TENM2: variants seen among roughly 807,000 people sequenced by gnomAD.
TENM2 encodes the protein teneurin transmembrane protein 2, also known as teneurin-2.
Under a neutral mutation model 245.2 loss-of-function variants are expected in TENM2, and 52 were observed. The observed-to-expected ratio is 0.21, with a 90% CI of 0.17 to 0.27. The LOEUF is 0.27. Among genes scored for constraint, TENM2 ranks in the 10% least tolerant of loss-of-function variants. The probability of loss-of-function intolerance (pLI) is 1.00; values close to 1 mark genes in which losing one functional copy is unlikely to be tolerated. For synonymous variants in TENM2, 1,363 were observed against 1,438.9 expected, an observed-to-expected ratio of 0.95 and a Z score of 1.19; for missense variants, 3,046 against 3,666.8, an observed-to-expected ratio of 0.83 and a Z score of 4.37.
Position 168,262,792 on chromosome 5 carries a change from T to C in TENM2, c.8307T>C (p.Asn2769=). 1.9e-6 allele frequency: 3 copies of C among 1,603,932 alleles called. No individual in the cohort carries two copies. In the South Asian group the frequency reaches 3.4e-5, roughly 18 times the overall value. Residue 2769 remains asparagine, a synonymous_variant, in exon 29 of 29, where the codon AAT becomes AAC. Coordinates refer to ENST00000518659, the Ensembl canonical transcript of TENM2. ...GCAACATCCAGTTTTTAAGACAGAA[T>C]GAGATGGGAAAGAGGTAACAAAATA...
intron 2 of TENM2, among the ~76,000 whole-genome samples, chr5:167,564,892 T>C (rs192151859): frequency 9.8e-5 from 15 of 152,334 alleles, no homozygotes; most frequent in Admixed American, 7.2e-4. Flanking sequence ...CCAAAGCAAG[T>C]CATGGCCAAT....
At chr5:168,177,142 A>G (rs566897769) in intron 13 of TENM2, among the ~76,000 whole-genome samples, 2 of 152,342 alleles carry the variant, frequency 1.3e-5, no homozygotes, top group Admixed American at 6.5e-5. Context: ...AGCATAGAGT[A>G]GGGGAGAAGA....
chr5:167,053,989 A>G, the TENM2 span, among the ~76,000 whole-genome samples: 3 of 152,180 alleles, frequency 2.0e-5, no homozygotes, highest in Admixed American at 2.0e-4. Context: ...CCACTAGAAC[A>G]TCCTCCACCC....
intron 12 of TENM2, among the ~76,000 whole-genome samples, chr5:168,143,766 A>G (rs550464876): frequency 4.4e-4 from 67 of 151,348 alleles, no homozygotes; most frequent in African/African-American, 1.5e-3. Flanking sequence ...CAAGGGCATG[A>G]GAGTTTCTTT....
chr5:167,111,965 C>T, the TENM2 span, among the ~76,000 whole-genome samples: 62 of 152,242 alleles, frequency 4.1e-4, no homozygotes, highest in East Asian at 0.011. Flanking sequence ...TTGCATGCCT[C>T]GACATTAACT....
At chr5:167,754,441 C>T (rs1762156958) in intron 2 of TENM2, among the ~76,000 whole-genome samples, 1 of 152,160 alleles carries the variant, frequency 6.6e-6, no homozygotes, top group Non-Finnish European at 1.5e-5. Flanking sequence ...TCTCGTCCTT[C>T]TGGATTTTAA....
the TENM2 span, among the ~76,000 whole-genome samples, chr5:167,055,092 G>T: frequency 6.6e-6 from 1 of 152,030 alleles, no homozygotes; most frequent in African/African-American, 2.4e-5. Context: ...TGTGTAAAAA[G>T]TCATCGCCAT....
intron 3 of TENM2, among the ~76,000 whole-genome samples, chr5:167,894,974 GA>G (rs1246038981): frequency 1.4e-4 from 18 of 128,040 alleles, no homozygotes; most frequent in African/African-American, 2.8e-4. Flanking sequence ...AGGAAGGAAG[GA>G]AGGAAGGAAG....
rs146343090 is a variant in TENM2, at chr5:168,179,720, T to G, written c.2570-10617T>G. Among the ~76,000 whole-genome samples, 401 of 152,268 alleles carry G rather than the reference T, an allele frequency of 2.6e-3. 3 individuals are homozygous for G. The highest frequency in any genetic ancestry group is 9.1e-3 in the African/African-American group (377 of 41,568). ...GGGTCCAAAACCCAGTCCTACCACT[T>G]AAAAACAGGGTGACCATAGGTGAAT... On this transcript the variant is annotated intron_variant, in intron 13 of 28. Coordinates refer to ENST00000518659, the Ensembl canonical transcript of TENM2.
chr5:167,043,242 A>T, the TENM2 span, among the ~76,000 whole-genome samples: 1 of 152,248 alleles, frequency 6.6e-6, no homozygotes, highest in Non-Finnish European at 1.5e-5. Context: ...GAAGTAACAA[A>T]ATGATTGAAA....
At chr5:168,070,820 A>AGAGAG (rs375473762) in intron 7 of TENM2, among the ~76,000 whole-genome samples, 8 of 87,060 alleles carry the variant, frequency 9.2e-5, no homozygotes, top group African/African-American at 1.9e-4. Context: ...AGAGAGAGAG[A>AGAGAG]AAAAAAGAAA....
At chr5:167,543,932 T>C (rs980953801) in intron 2 of TENM2, among the ~76,000 whole-genome samples, 1 of 152,214 alleles carries the variant, frequency 6.6e-6, no homozygotes, top group Non-Finnish European at 1.5e-5. Context: ...CTATGTTTAC[T>C]AATCCACTAT....
chr5:167,848,368 A>G (rs1177431511), intron 2 of TENM2, among the ~76,000 whole-genome samples: 2 of 152,236 alleles, frequency 1.3e-5, no homozygotes, highest in Non-Finnish European at 2.9e-5. Flanking sequence ...TAAAGTGGAG[A>G]GTGCATATGT....
the TENM2 span, among the ~76,000 whole-genome samples, chr5:167,167,888 G>A: frequency 1.3e-5 from 2 of 152,092 alleles, no homozygotes; most frequent in Non-Finnish European, 2.9e-5. Context: ...AAGACAAAGC[G>A]ATAGACAAGT....
At chr5:168,220,775 AG>A (rs757613158) in intron 23 of TENM2, among the ~76,000 whole-genome samples, 5 of 152,164 alleles carry the variant, frequency 3.3e-5, no homozygotes, top group Admixed American at 6.5e-5. Flanking sequence ...CTTTAGAGAA[AG>A]GGTGATGAAG....
At chr5:167,474,589 C>T (rs539567145) in intron 2 of TENM2, among the ~76,000 whole-genome samples, 1 of 151,902 alleles carries the variant, frequency 6.6e-6, no homozygotes, top group Non-Finnish European at 1.5e-5. Context: ...TCATGGCTCA[C>T]TGCAACCTCT....
chr5:168,034,033 ATATATATATGTGTGTG>A, intron 5 of TENM2, among the ~76,000 whole-genome samples: 1 of 136,804 alleles, frequency 7.3e-6, no homozygotes, highest in African/African-American at 2.5e-5. Context: ...TCTCAAATAT[ATATATATATGTGTGTG>A]TATATATATA....
intron 2 of TENM2, among the ~76,000 whole-genome samples, chr5:167,449,988 T>G (rs1043050783): frequency 6.6e-6 from 1 of 152,004 alleles, no homozygotes; most frequent in East Asian, 1.9e-4. Flanking sequence ...AAATGAAGCA[T>G]TCCCTTTGTT....
At chr5:167,237,542 T>G in the TENM2 span, among the ~76,000 whole-genome samples, 1 of 152,332 alleles carries the variant, frequency 6.6e-6, no homozygotes, top group South Asian at 2.1e-4. Flanking sequence ...ACAATGATGT[T>G]TAATGAACAT....
Sources: gnomAD v4.1 joint callset for allele counts (sites outside exome capture counted in the v4.1 genomes callset) on GRCh38, gnomAD v4.1.1 for gene constraint, MANE v1.5 for transcripts, NCBI Gene and HGNC (gene_info 2026-07-23, HGNC 2026-07-21) for gene names.